IKBKB: variants seen among roughly 807,000 people sequenced by gnomAD.
IKBKB encodes inhibitor of nuclear factor kappa-B kinase subunit beta.
Under a neutral mutation model 113.6 loss-of-function variants are expected in IKBKB, and 42 were observed. That is an observed-to-expected ratio of 0.37 (90% confidence interval 0.29 to 0.48). The LOEUF (loss-of-function observed/expected upper bound fraction) is 0.48, where lower values mean the gene tolerates loss of function less well. Ranked by LOEUF, IKBKB falls within the 20% of genes least tolerant of loss-of-function variation. The pLI is 0.99. For synonymous variants in IKBKB, 296 were observed against 361.3 expected (o/e 0.82, Z 2.05); for missense variants, 673 against 939.7 (o/e 0.72, Z 3.71).
chr8:42,303,184 A>G (rs1815779052), intron 5 of IKBKB, among the ~76,000 whole-genome samples: 1 of 149,126 alleles, frequency 6.7e-6, no homozygotes, highest in Non-Finnish European at 1.5e-5. Flanking sequence ...GAGAATGAGA[A>G]TGGTGGTGGC....
In IKBKB at chr8:42,317,764, C is replaced by T. The variant is rs1317662856; in HGVS notation, c.1233C>T (p.Ser411=). ...CACGGCCCCAACCTGAAAGTGTCAG[C>T]TGTATCCGTAAGAATTTGTTATGTT... ...ISPRPQPESV[S]CILQEPKRNL... The change falls in exon 12 of 22, where the codon AGC becomes AGT. Residue 411 remains serine, a synonymous_variant. Transcript: ENST00000520810. The T allele has an allele frequency of 4.4e-6, 7 of 1,600,702 alleles. No homozygotes were observed. The highest frequency in any genetic ancestry group is 6.0e-6 in the Non-Finnish European group (7 of 1,167,774).
chr8:42,305,138 T>C (rs1816246806), intron 5 of IKBKB, 49 bp from the exon 6 acceptor site: 1 of 1,267,118 alleles, frequency 7.9e-7, no homozygotes. Context: ...GATTCTGTCA[T>C]GAAAAGCATT....
chr8:42,307,420 A>G (rs558610699), intron 7 of IKBKB, among the ~76,000 whole-genome samples: 2 of 152,172 alleles, frequency 1.3e-5, no homozygotes, highest in South Asian at 4.1e-4. Flanking sequence ...AGAAGGAGCA[A>G]CTCTTTGGAA....
intron 9 of IKBKB, among the ~76,000 whole-genome samples, chr8:42,315,356 A>T (rs1174176763): frequency 6.6e-6 from 1 of 152,158 alleles, no homozygotes; most frequent in African/African-American, 2.4e-5. Flanking sequence ...AACTTTTTGG[A>T]AGGGTCTAGA....
chr8:42,273,440 T>A (rs919823100), intron 2 of IKBKB, among the ~76,000 whole-genome samples: 83 of 149,476 alleles, frequency 5.6e-4, no homozygotes, highest in Non-Finnish European at 9.6e-4. Flanking sequence ...ATATATATAT[T>A]TAAAATATTT....
chr8:42,298,207 T>C, intron 5 of IKBKB: 1 of 985,422 alleles, frequency 1.0e-6, no homozygotes, highest in Non-Finnish European at 1.2e-6. Flanking sequence ...GCTGTGGTGC[T>C]CTCTCCTGCC....
At chr8:42,325,725 T>C in intron 19 of IKBKB, 1 of 1,285,218 alleles carries the variant, frequency 7.8e-7, no homozygotes, top group East Asian at 3.7e-5. Flanking sequence ...TGCAAATTAA[T>C]GTAGGCACCC....
At chr8:42,326,293 G>A in intron 20 of IKBKB, 196 bp downstream of exon 20, 1 of 620,256 alleles carries the variant, frequency 1.6e-6, no homozygotes, top group South Asian at 2.0e-5. Flanking sequence ...TTACTAACTA[G>A]TTTCTTTGTC....
chr8:42,304,360 A>G (rs1039882563), intron 5 of IKBKB, among the ~76,000 whole-genome samples: 2 of 152,208 alleles, frequency 1.3e-5, no homozygotes, highest in Middle Eastern at 3.2e-3. Flanking sequence ...TGAGGGTAAA[A>G]TCATGTCCTT....
chr8:42,298,121 C>T, intron 5 of IKBKB: 1 of 985,404 alleles, frequency 1.0e-6, no homozygotes, highest in Non-Finnish European at 1.2e-6. Context: ...GCTCATTATC[C>T]TTTGGAAAAC....
chr8:42,317,532 C>T (rs1818926839), intron 11 of IKBKB, 125 bp from the exon 12 acceptor site: 3 of 684,626 alleles, frequency 4.4e-6, no homozygotes, highest in African/African-American at 1.8e-5. Flanking sequence ...ATGGATGCTT[C>T]CTACTTGCTG....
At chr8:42,305,030 C>T (rs1441076882) in intron 5 of IKBKB, among the ~76,000 whole-genome samples, 157 bp from the exon 6 acceptor site, 1 of 152,238 alleles carries the variant, frequency 6.6e-6, no homozygotes, top group African/African-American at 2.4e-5. Context: ...AAGTTTAAGC[C>T]TCACGTAGCA....
chr8:42,287,988 G>A (rs770727773), intron 2 of IKBKB, among the ~76,000 whole-genome samples: 3 of 152,088 alleles, frequency 2.0e-5, no homozygotes, highest in Non-Finnish European at 1.5e-5. Context: ...GCCGGGGTTC[G>A]GACAGGGAAA....
In IKBKB at chr8:42,331,838, T is replaced by C. The variant is rs1331350950; in HGVS notation, c.*859T>C. The C allele has an allele frequency of 4.2e-6, 1 of 240,728 alleles. No individual in the cohort carries two copies. The highest frequency in any genetic ancestry group is 1.1e-4 in the East Asian group (1 of 9,506). The allele number at this position is 240,728 out of a possible 1,614,324, so 14.9% of individuals were successfully genotyped here. On this transcript the variant is annotated 3_prime_UTR_variant, in exon 22 of 22. Transcript: ENST00000520810. ...CCATGTCTCCATTCCTGCTCAAGCGTGTGTGCTGGGCCGGGGAGTCCCTGT... is the reference window on the plus strand; with the variant it reads ...CCATGTCTCCATTCCTGCTCAAGCGCGTGTGCTGGGCCGGGGAGTCCCTGT...
intron 5 of IKBKB, among the ~76,000 whole-genome samples, chr8:42,302,284 C>T (rs1175110290): frequency 2.0e-5 from 3 of 152,158 alleles, no homozygotes; most frequent in Non-Finnish European, 4.4e-5. Flanking sequence ...AACATTAACA[C>T]AATTGAGAAC....
intron 2 of IKBKB, among the ~76,000 whole-genome samples, chr8:42,284,030 C>T (rs1810888544): frequency 6.6e-6 from 1 of 152,208 alleles, no homozygotes; most frequent in South Asian, 2.1e-4. Context: ...CTGAGCTCCT[C>T]TGCAAACTCC....
At position 42,288,624 on chromosome 8, in the gene IKBKB, G is replaced by A. The variant is rs757756079; in HGVS notation, c.106-10G>A. The A allele has an allele frequency of 1.9e-6, 3 of 1,605,472 alleles. No homozygotes were observed. Among genetic ancestry groups the A allele is most frequent in the Non-Finnish European group, 2.6e-6 (3 of 1,175,400 alleles). ...TCGCTCTGCTGGTCCCCACTGTGCT[G>A]TTTCTGTAGGAAACAGGTGAGCAGA... On this transcript the variant is annotated splice_polypyrimidine_tract_variant and intron_variant, in intron 2 of 21. Transcript: ENST00000520810.
intron 5 of IKBKB, among the ~76,000 whole-genome samples, chr8:42,294,246 T>C (rs1813250075): frequency 6.6e-6 from 1 of 152,212 alleles, no homozygotes; most frequent in Non-Finnish European, 1.5e-5. Flanking sequence ...CTTTGACTCT[T>C]TGCCTCCAGA....
intron 19 of IKBKB, chr8:42,325,453 C>A: frequency 1.1e-6 from 1 of 936,904 alleles, no homozygotes; most frequent in Non-Finnish European, 1.3e-6. Context: ...GAGGCTGAGG[C>A]AGATCACCTG....
Sources: gnomAD v4.1 joint callset for allele counts (sites outside exome capture counted in the v4.1 genomes callset) on GRCh38, gnomAD v4.1.1 for gene constraint, MANE v1.5 for transcripts, NCBI Gene and HGNC (gene_info 2026-07-23, HGNC 2026-07-21) for gene names.